MMP26: variants seen among roughly 807,000 people sequenced by gnomAD.
MMP26 encodes the protein matrix metalloproteinase-26.
Under a neutral mutation model 31.0 loss-of-function variants are expected in MMP26, and 33 were observed. That is an observed-to-expected ratio of 1.06 (90% CI 0.81 to 1.42). The LOEUF (loss-of-function observed/expected upper bound fraction) is 1.42, where lower values mean the gene tolerates loss of function less well. Among genes scored for constraint, MMP26 ranks in the 40% most tolerant of loss-of-function variants. MMP26 has a pLI of 0.00. For missense variants in MMP26, 347 were observed against 316.1 expected (o/e 1.10, Z -0.74); for synonymous variants, 122 against 114.9 (o/e 1.06, Z -0.40).
rs1019584756 is a variant in MMP26 at position 4,951,650 on chromosome 11, A to G, written c.-144-36418A>G. Among the ~76,000 whole-genome samples the G allele has an allele frequency of 1.6e-5, 2 of 124,314 alleles. 1 individual carries two copies. The highest frequency in any genetic ancestry group is 3.6e-5 in the Non-Finnish European group (2 of 54,866). The allele number at this position is 124,314 out of a possible 152,430, so 81.6% of individuals were successfully genotyped here. ...CTGGAAAGAGAATGGCCATTTTAAT[A>G]TATCACAGTCACAGTGATAGGGGTT... On this transcript the variant is annotated intron_variant, in intron 2 of 7. Coordinates refer to ENST00000380390, the MANE Select transcript of MMP26 (RefSeq NM_021801.5).
chr11:4,709,709 C>G (rs756853179), intron 1 of MMP26: 79 of 459,916 alleles, frequency 1.7e-4, no homozygotes, highest in Admixed American at 9.4e-5. Flanking sequence ...ATGGCATGAT[C>G]CTGTTTGTCA....
chr11:4,860,564 T>G (rs1040842095), intron 2 of MMP26: 7 of 459,654 alleles, frequency 1.5e-5, no homozygotes, highest in Non-Finnish European at 3.2e-5. Flanking sequence ...AAGTTCGTCA[T>G]GTTGTTCTCA....
intron 1 of MMP26, among the ~76,000 whole-genome samples, chr11:4,735,562 T>C (rs1848228958): frequency 6.6e-6 from 1 of 152,210 alleles, no homozygotes; most frequent in African/African-American, 2.4e-5. Flanking sequence ...CTGTTGCCAG[T>C]ATCTATATAT....
intron 2 of MMP26, among the ~76,000 whole-genome samples, chr11:4,837,519 T>C (rs1849735078): frequency 6.6e-6 from 1 of 152,158 alleles, no homozygotes; most frequent in Admixed American, 6.5e-5. Context: ...ATTTAAAATA[T>C]AAACAACCCA....
At chr11:4,955,801 C>G (rs1846435267) in intron 2 of MMP26, 1 of 1,130,788 alleles carries the variant, frequency 8.8e-7, no homozygotes, top group Admixed American at 2.3e-5. Flanking sequence ...ATAGGCATAT[C>G]TGTAAATTTA....
intron 2 of MMP26, among the ~76,000 whole-genome samples, chr11:4,940,109 A>T (rs972456687): frequency 2.6e-5 from 4 of 151,878 alleles, no homozygotes; most frequent in African/African-American, 9.7e-5. Flanking sequence ...GTAGATAATA[A>T]TATGCTATTT....
intron 2 of MMP26, among the ~76,000 whole-genome samples, chr11:4,783,359 T>C (rs1351569765): frequency 2.0e-5 from 3 of 152,224 alleles, no homozygotes; most frequent in African/African-American, 7.2e-5. Context: ...TTCGGATTTG[T>C]GTGGGGCTTG....
At chr11:4,793,997 T>C (rs975295251) in intron 2 of MMP26, 2 of 152,284 alleles carry the variant, frequency 1.3e-5, no homozygotes, top group South Asian at 4.1e-4. Flanking sequence ...ATATGCTAAA[T>C]ACCTTGGGCA....
chr11:4,810,964 A>G (rs994072822), intron 2 of MMP26, among the ~76,000 whole-genome samples: 12 of 152,234 alleles, frequency 7.9e-5, no homozygotes, highest in African/African-American at 2.7e-4. Context: ...ATACATTTAC[A>G]TGGATACAAT....
chr11:4,753,364 C>T (rs1327170922), intron 1 of MMP26, among the ~76,000 whole-genome samples: 1 of 152,116 alleles, frequency 6.6e-6, no homozygotes, highest in Non-Finnish European at 1.5e-5. Flanking sequence ...TGAACTAAGA[C>T]ATTTAATTAA....
chr11:4,946,541 A>G lies in MMP26; in HGVS notation c.-144-41527A>G, dbSNP rs151267478. 7.4e-5 allele frequency: 118 copies of G among 1,600,846 alleles called. 1 individual carries two copies. In the African/African-American group the frequency reaches 1.5e-3, roughly 21 times the overall value. On this transcript the variant is annotated intron_variant, in intron 2 of 7. Transcript: ENST00000380390. ...TCTGTTGTCAGAACAGGCCAACTTC[A>G]TGACATCCTGGTGGAGACAGTAGGA...
intron 2 of MMP26, among the ~76,000 whole-genome samples, chr11:4,829,211 A>T (rs555253662): frequency 6.6e-6 from 1 of 152,168 alleles, no homozygotes; most frequent in Non-Finnish European, 1.5e-5. Context: ...TCTGCATATT[A>T]TCAAATCTTC....
At chr11:4,749,272 G>GA (rs1455796214) in intron 1 of MMP26, among the ~76,000 whole-genome samples, 2 of 151,580 alleles carry the variant, frequency 1.3e-5, no homozygotes, top group African/African-American at 2.4e-5. Context: ...AAATGCTGAG[G>GA]AAAAAAATGT....
At chr11:4,724,775 A>T (rs1267247873) in intron 1 of MMP26, among the ~76,000 whole-genome samples, 4 of 152,208 alleles carry the variant, frequency 2.6e-5, no homozygotes, top group Non-Finnish European at 5.9e-5. Context: ...TATGGCTGAG[A>T]CAGAAAAATC....
chr11:4,943,913 G>A (rs1846254722), intron 2 of MMP26: 2 of 434,990 alleles, frequency 4.6e-6, no homozygotes, highest in Non-Finnish European at 9.2e-6. Context: ...TGACATCTAT[G>A]TACAATATCC....
At chr11:4,780,153 A>G (rs760732055) in intron 2 of MMP26, among the ~76,000 whole-genome samples, 15 of 152,108 alleles carry the variant, frequency 9.9e-5, no homozygotes, top group African/African-American at 3.1e-4. Flanking sequence ...TTGTTATTGT[A>G]AACTTTCTTG....
rs114604593 is a variant in MMP26 at position 4,786,016 on chromosome 11, G to A, written c.-145+18675G>A. Among the ~76,000 whole-genome samples, 32 of 152,244 alleles carry A rather than the reference G, an allele frequency of 2.1e-4. 1 individual carries two copies. Among genetic ancestry groups the A allele is most frequent in the African/African-American group, 7.2e-4 (30 of 41,536 alleles). ...CTTTATTTATTTATTTTTTCTCAAAGTTCTCCCTTTTCTCCAATCTTGATG... is the reference window on the plus strand; with the variant it reads ...CTTTATTTATTTATTTTTTCTCAAAATTCTCCCTTTTCTCCAATCTTGATG... On this transcript the variant is annotated intron_variant, in intron 2 of 7. Coordinates refer to ENST00000380390, the MANE Select transcript of MMP26 (RefSeq NM_021801.5).
chr11:4,873,931 A>G (rs1850344370), intron 2 of MMP26, among the ~76,000 whole-genome samples: 5 of 152,214 alleles, frequency 3.3e-5, no homozygotes, highest in African/African-American at 7.2e-5. Context: ...AATTTCCTAA[A>G]CAGAGTCAAA....
chr11:4,747,311 G>A (rs76512859), intron 1 of MMP26, among the ~76,000 whole-genome samples: 1,821 of 152,294 alleles, frequency 0.012, 36 homozygotes, highest in African/African-American at 0.041. Flanking sequence ...TCTGGGTAAT[G>A]AGCAAGTTTC....
Sources: gnomAD v4.1 joint callset for allele counts (sites outside exome capture counted in the v4.1 genomes callset) on GRCh38, gnomAD v4.1.1 for gene constraint, MANE v1.5 for transcripts, NCBI Gene and HGNC (gene_info 2026-07-23, HGNC 2026-07-21) for gene names.